Variants in NCAPD2 observed in about 807,000 individuals in gnomAD.
The protein encoded by NCAPD2 is condensin complex subunit 1.
In NCAPD2, 100 loss-of-function variants were observed where a neutral mutation model predicts 164.5. The observed-to-expected ratio is 0.61, with a 90% confidence interval of 0.52 to 0.72. NCAPD2 has a LOEUF of 0.72. Among genes scored for constraint, NCAPD2 ranks in the 30% least tolerant of loss-of-function variants. The pLI is 0.00. For synonymous variants in NCAPD2, 585 were observed against 642.6 expected, an observed-to-expected ratio of 0.91 and a Z score of 1.36; for missense variants, 1,560 against 1,749.2, an observed-to-expected ratio of 0.89 and a Z score of 1.93.
intron 2 of NCAPD2, among the ~76,000 whole-genome samples, chr12:6,499,693 A>G (rs372044287): frequency 1.3e-5 from 2 of 152,064 alleles, no homozygotes; most frequent in East Asian, 3.9e-4. Flanking sequence ...TGCCCAGCCT[A>G]TTTCTGGAAT....
At chr12:6,499,321 C>T (rs1020121573) in intron 2 of NCAPD2, among the ~76,000 whole-genome samples, 1 of 152,026 alleles carries the variant, frequency 6.6e-6, no homozygotes, top group Non-Finnish European at 1.5e-5. Flanking sequence ...AAGCAATTCT[C>T]CTGCCTCAGT....
rs1946314262 is a variant in NCAPD2 at position 6,526,063 on chromosome 12, C to T, written c.2349-5C>T. ...GCCTTTAACTCTGTGGCTTCCTTCC[C>T]CTAGAGGAAAGCCAGAAATTGTGGG... On this transcript the variant is annotated splice_region_variant and splice_polypyrimidine_tract_variant and intron_variant, in intron 18 of 31. Transcript: ENST00000315579. 1.9e-6 allele frequency: 3 copies of T among 1,613,542 alleles called. No individual in the cohort carries two copies. The highest frequency in any genetic ancestry group is 1.7e-6 in the Non-Finnish European group (2 of 1,179,936).
intron 2 of NCAPD2, among the ~76,000 whole-genome samples, chr12:6,504,210 T>TATATATACATATATAC: frequency 4.5e-5 from 1 of 22,118 alleles, no homozygotes; most frequent in Admixed American, 6.4e-4. Flanking sequence ...TATATATATA[T>TATATATACATATATAC]ATATATAGAT....
At chr12:6,510,855 TA>T (rs1200115560) in intron 5 of NCAPD2, 45 bp downstream of exon 5, 1 of 1,577,882 alleles carries the variant, frequency 6.3e-7, no homozygotes, top group Non-Finnish European at 8.6e-7. Flanking sequence ...TCTGGGGAGA[TA>T]GGGGAATAGA....
intron 13 of NCAPD2, among the ~76,000 whole-genome samples, chr12:6,519,372 A>T (rs1477881678): frequency 6.6e-6 from 1 of 151,130 alleles, no homozygotes; most frequent in East Asian, 2.0e-4. Context: ...TGTTTTTGAG[A>T]CAGAATCTCA....
At chr12:6,506,261 A>T (rs759989183) in intron 2 of NCAPD2, among the ~76,000 whole-genome samples, 6 of 152,130 alleles carry the variant, frequency 3.9e-5, no homozygotes, top group Non-Finnish European at 8.8e-5. Context: ...TCCAGCCTGC[A>T]TCAAGTTTTG....
chr12:6,508,165 A>T (rs954301931), intron 2 of NCAPD2, among the ~76,000 whole-genome samples: 1 of 152,170 alleles, frequency 6.6e-6, no homozygotes, highest in African/African-American at 2.4e-5. Context: ...TACTAAAAAT[A>T]AAAAAAATTA....
At chr12:6,499,020 C>T (rs1946009703) in intron 2 of NCAPD2, among the ~76,000 whole-genome samples, 1 of 152,092 alleles carries the variant, frequency 6.6e-6, no homozygotes, top group African/African-American at 2.4e-5. Flanking sequence ...AGCCCTGCAA[C>T]AGTTGATCTG....
chr12:6,526,339 T>A lies in NCAPD2; in HGVS notation c.2534T>A (p.Leu845Ter). 1 of 1,614,060 alleles carries A rather than the reference T, an allele frequency of 6.2e-7. No individual in the cohort carries two copies. The highest frequency in any genetic ancestry group is 1.1e-5 in the South Asian group (1 of 91,078). The change falls in exon 20 of 32, where the codon TTG becomes TAG. Residue 845 changes from leucine (L) to a stop codon, truncating the protein, a stop_gained. Transcript: ENST00000315579. LOFTEE classifies it high-confidence loss of function. ...TTCCGGCTGCCTCAGGAACACAGGTTGTTTGAGCGACTGCGGGAGACAGTC... is the reference window on the plus strand; with the variant it reads ...TTCCGGCTGCCTCAGGAACACAGGTAGTTTGAGCGACTGCGGGAGACAGTC... ...PPFRLPQEHRLFERLRETVTK... is the reference protein window; with the variant it reads ...PPFRLPQEHR
Position 6,528,999 on chromosome 12 carries a change from G to A in NCAPD2, c.3532G>A (p.Glu1178Lys), listed in dbSNP as rs754345866. ...TATCATCAGCCGCCTGTCAGACCCC[G>A]AGCTGGGGGTGGAGGAAGAGCCTTT... The part of the protein sequence containing the change: ...PDIISRLSDP[E>K]LGVEEEPFHT... Residue 1178 changes from glutamate to lysine, a missense_variant, in exon 27 of 32, where the codon GAG becomes AAG. Coordinates refer to ENST00000315579, the MANE Select transcript of NCAPD2 (RefSeq NM_014865.4). The surrounding 1 kb of genome is among the most constrained non-coding windows in gnomAD (Gnocchi z 5.1). 16 of 1,613,310 alleles carry A rather than the reference G, an allele frequency of 9.9e-6. No individual in the cohort carries two copies. Among genetic ancestry groups the A allele is most frequent in the East Asian group, 4.5e-5 (2 of 44,900 alleles).
At position 6,530,775 on chromosome 12, in the gene NCAPD2, G is replaced by A. The variant is rs768596090; in HGVS notation, c.3922G>A (p.Ala1308Thr). Reference sequence around the variant, plus strand: ...AATCAAGGAGCTTGAGATTGGCCAAGCAGGTAGCCAGAGAGCGCCATCAGC... The same window carrying A: ...AATCAAGGAGCTTGAGATTGGCCAAACAGGTAGCCAGAGAGCGCCATCAGC... ...DGIKELEIGQ[A>T]GSQRAPSAKK... The change falls in exon 30 of 32, where the codon GCA (alanine) becomes ACA (threonine). Residue 1308 changes from alanine to threonine, a missense_variant. Physicochemically the swap from Ala to Thr is moderately conservative, Grantham distance 58. Transcript: ENST00000315579. The A allele has an allele frequency of 1.9e-6, 3 of 1,614,252 alleles. No homozygotes were observed. In the East Asian group the frequency reaches 6.7e-5, roughly 36 times the overall value.
At chr12:6,516,762 A>G (rs1355742816) in intron 9 of NCAPD2, 66 bp from the exon 10 acceptor site, 2 of 1,525,524 alleles carry the variant, frequency 1.3e-6, no homozygotes, top group South Asian at 1.1e-5. Flanking sequence ...GGAAAAAGTT[A>G]TGGCCAAGCA....
rs1331112319 is a variant in NCAPD2, at chr12:6,516,821, C to T, written c.988-7C>T. ...AGGTTTGACCCCTCTATGCTTCTCT[C>T]TCTTAGAATTACATGATGCGTAATG... On this transcript the variant is annotated splice_polypyrimidine_tract_variant and splice_region_variant and intron_variant, in intron 9 of 31. Coordinates refer to ENST00000315579, the MANE Select transcript of NCAPD2 (RefSeq NM_014865.4). The T allele has an allele frequency of 1.2e-6, 2 of 1,614,058 alleles. No individual in the cohort carries two copies. The highest frequency in any genetic ancestry group is 1.1e-5 in the South Asian group (1 of 91,074).
Position 6,518,521 on chromosome 12 carries a change from T to TTTTTTTTTTTG in NCAPD2, c.1589+572_1589+573insGTTTTTTTTTT, listed in dbSNP as rs1946232121. 6.8e-5 allele frequency among the ~76,000 whole-genome samples: 8 copies of TTTTTTTTTTTG among 118,382 alleles called. 1 individual carries two copies. In the South Asian group the frequency reaches 1.5e-3, roughly 22 times the overall value. 77.7% of individuals were successfully genotyped at this position (118,382 alleles called of 152,430 possible). A position where few individuals can be genotyped will look rare whatever the true frequency, so the allele number is the denominator to read the frequency against. On this transcript the variant is annotated intron_variant, in intron 13 of 31. Transcript: ENST00000315579. ...GTCAACAAGTTTTTTTTTTTTTTTT[T>TTTTTTTTTTTG]TTTTTTTTTTTTTGAGATGGAGTCT...
At chr12:6,500,490 A>G (rs932630731) in intron 2 of NCAPD2, among the ~76,000 whole-genome samples, 1 of 152,206 alleles carries the variant, frequency 6.6e-6, no homozygotes, top group Admixed American at 6.5e-5. Context: ...TAAGCTAGGA[A>G]AAAGAGATTA....
chr12:6,503,623 T>TTTTGTGTGTG (rs1946059984), intron 2 of NCAPD2, among the ~76,000 whole-genome samples: 3 of 151,812 alleles, frequency 2.0e-5, no homozygotes, highest in African/African-American at 7.3e-5. Flanking sequence ...TACAAAAAAT[T>TTTTGTGTGTG]AGCCGGGTGT....
intron 14 of NCAPD2, among the ~76,000 whole-genome samples, chr12:6,521,498 A>G (rs1223853639): frequency 1.3e-5 from 2 of 152,148 alleles, no homozygotes; most frequent in Non-Finnish European, 2.9e-5. Flanking sequence ...CCTGAGCAAC[A>G]TGACGAAACC....
At position 6,522,020 on chromosome 12, in the gene NCAPD2, A is replaced by G; in HGVS notation, c.1937A>G (p.Tyr646Cys). ...EAIGIISKMMYENTTTVVQEV... is the reference protein window; with the variant it reads ...EAIGIISKMMCENTTTVVQEV... ...ATTGGCATCATCAGCAAGATGATGT[A>G]TGAAAACACAACTACAGGTATGCCA... The change falls in exon 15 of 32, where the codon TAT (tyrosine) becomes TGT (cysteine). Residue 646 changes from tyrosine to cysteine, a missense_variant. By Grantham distance (194) the Tyr-to-Cys change is radical. Transcript: ENST00000315579. The G allele has an allele frequency of 6.2e-7, 1 of 1,614,170 alleles. No homozygotes were observed. Among genetic ancestry groups the G allele is most frequent in the Non-Finnish European group, 8.5e-7 (1 of 1,180,000 alleles).
Position 6,527,802 on chromosome 12 carries a change from A to G in NCAPD2, c.2933A>G (p.Glu978Gly). 6.2e-7 allele frequency: 1 copy of G among 1,613,490 alleles called. No individual in the cohort carries two copies. The change falls in exon 23 of 32, where the codon GAG (glutamate) becomes GGG (glycine). Residue 978 changes from glutamate (E) to glycine (G), a missense_variant. Physicochemically the swap from Glu to Gly is moderately conservative, Grantham distance 98 (BLOSUM62 -2). Transcript: ENST00000315579. The part of the protein sequence containing the change: ...EKNTSSETTM[E>G]EELGLVGATA... ...AATACGAGCTCTGAGACCACCATGG[A>G]GGAGGAGCTGGGGCTGGTTGGGGCA...
Sources: allele counts gnomAD v4.1 joint callset (sites outside exome capture counted in the v4.1 genomes callset), GRCh38; gene constraint gnomAD v4.1.1; non-coding constraint Gnocchi (gnomAD v3.1); transcripts MANE v1.5; gene names NCBI Gene and HGNC (gene_info 2026-07-23, HGNC 2026-07-21).